NBPF20: variants seen among roughly 807,000 people sequenced by gnomAD.
The protein encoded by NBPF20 is NBPF family member NBPF20.
A neutral mutation model predicts 68.1 loss-of-function variants in NBPF20; 90 were observed. The ratio of observed to expected loss-of-function variants is 1.32; its 90% confidence interval spans 1.11 to 1.58. NBPF20 has a LOEUF of 1.58. NBPF20 is among the 40% of genes most tolerant of loss of function. NBPF20 has a pLI of 0.00. For synonymous variants in NBPF20, 290 were observed against 228.1 expected (o/e 1.27, Z -2.45); for missense variants, 816 against 601.2 (o/e 1.36, Z -3.74).
In NBPF20 at chr1:145,292,661, T is replaced by A. The variant is rs1451405177; in HGVS notation, c.16589-172A>T. Among the ~76,000 whole-genome samples, 5 of 147,354 alleles carry A rather than the reference T, an allele frequency of 3.4e-5. 1 individual carries two copies. Among genetic ancestry groups the A allele is most frequent in the South Asian group, 2.1e-4 (1 of 4,764 alleles). ...GCTGTTCATGATAGAACTTCCTCGG[T>A]TTTTCTCCCAGAAACTGTGGGTAAA... On this transcript the variant is annotated intron_variant, in intron 136 of 137. Coordinates refer to ENST00000369373, the Ensembl canonical transcript of NBPF20.
exon 138 of NBPF20, chr1:145,291,390 AGAATAG>A: frequency 3.8e-6 from 6 of 1,577,120 alleles, no homozygotes; most frequent in Non-Finnish European, 5.2e-6. Context: ...GCATGGTTTG[AGAATAG>A]GAATACAGCC....
At chr1:145,393,797 A>T (rs1662066482) in intron 9 of NBPF20, 87 bp downstream of exon 14, 2 of 1,326,108 alleles carry the variant, frequency 1.5e-6, no homozygotes, top group East Asian at 2.3e-5. Flanking sequence ...AGACAAAATC[A>T]TTATTTTCAG....
chr1:145,395,062 C>T, exon 8 of NBPF20: 1 of 1,611,268 alleles, frequency 6.2e-7, no homozygotes, highest in Non-Finnish European at 8.5e-7. Flanking sequence ...GCCAACATTT[C>T]AGGAGGAATT....
intron 132 of NBPF20, chr1:145,296,087 G>T: frequency 6.3e-6 from 1 of 158,916 alleles, no homozygotes; most frequent in Non-Finnish European, 1.0e-5. Flanking sequence ...ATCTGCCCAG[G>T]TCCAACATCA....
exon 138 of NBPF20, chr1:145,291,383 T>G (rs1314358407): frequency 6.4e-7 from 1 of 1,565,020 alleles, no homozygotes; most frequent in Non-Finnish European, 8.6e-7. Flanking sequence ...GCCACTGGCA[T>G]GGTTTGAGAA....
At chr1:145,390,361 C>T (rs2100516344) in intron 13 of NBPF20, among the ~76,000 whole-genome samples, 16 of 64,422 alleles carry the variant, frequency 2.5e-4, no homozygotes, top group South Asian at 6.3e-4. Flanking sequence ...CACACAGACA[C>T]ACACACACAC....
In NBPF20 at chr1:145,292,200, A is replaced by C. The variant is rs1661162007; in HGVS notation, c.16697+181T>G. ...TGGTCAACCTATGGCACGTTAGTAA[A>C]AGATAAGGGGAGGAAGAAATGGAAA... On this transcript the variant is annotated intron_variant, in intron 137 of 137. Coordinates refer to ENST00000369373, the Ensembl canonical transcript of NBPF20. Among the ~76,000 whole-genome samples, 3 of 149,860 alleles carry C rather than the reference A, an allele frequency of 2.0e-5. No homozygotes were observed. The South Asian group carries it at 6.2e-4, about 31-fold the overall frequency.
At chr1:145,342,885 C>A in intron 73 of NBPF20, among the ~76,000 whole-genome samples, 1 of 39,436 alleles carries the variant, frequency 2.5e-5, no homozygotes, top group Non-Finnish European at 4.3e-5. Context: ...TGAGTTAGTG[C>A]CCTCAGGACA....
At chr1:145,291,701 G>C (rs587732837) in exon 138 of NBPF20, 4 of 1,611,940 alleles carry the variant, frequency 2.5e-6, no homozygotes, top group South Asian at 2.2e-5. Context: ...TGACGGAGTA[G>C]AATAACATCC....
the NBPF20 span, among the ~76,000 whole-genome samples, chr1:145,415,039 C>T: frequency 6.3e-4 from 96 of 152,210 alleles, 1 homozygote; most frequent in Non-Finnish European, 1.1e-3. Flanking sequence ...CCTCTGAGTT[C>T]CCTTAGTATT....
intron 129 of NBPF20, among the ~76,000 whole-genome samples, chr1:145,298,380 A>C (rs1661343274): frequency 6.9e-6 from 1 of 144,132 alleles, no homozygotes; most frequent in South Asian, 2.2e-4. Flanking sequence ...AGACACACAC[A>C]CACACACAGA....
rs1661773131 is a variant in NBPF20 at position 145,372,523 on chromosome 1, A to G, written c.4358T>C (p.Leu1453Pro). 2 of 498,726 alleles carry G rather than the reference A, an allele frequency of 4.0e-6. 1 individual carries two copies. Among genetic ancestry groups the G allele is most frequent in the Non-Finnish European group, 6.7e-6 (2 of 298,650 alleles). 30.9% of individuals were successfully genotyped at this position (498,726 alleles called of 1,614,324 possible). ...AGTAAGATACTCACTGTCCACGTCA[A>G]GAGCCAAGCCAAGGTACTGTTCCTC... Residue 1453 changes from leucine (L) to proline (P), a missense_variant, in exon 36 of 138, where the codon CTT becomes CCT. Physicochemically the swap from Leu to Pro is moderately conservative, Grantham distance 98 (BLOSUM62 -3). Coordinates refer to ENST00000369373, the Ensembl canonical transcript of NBPF20.
chr1:145,413,144 G>GA, the NBPF20 span, among the ~76,000 whole-genome samples: 1 of 151,440 alleles, frequency 6.6e-6, no homozygotes, highest in East Asian at 1.9e-4. Context: ...TCTCCAGTTA[G>GA]AAAAAATTAC....
intron 3 of NBPF20, among the ~76,000 whole-genome samples, chr1:145,402,632 G>T (rs1303319654): frequency 6.6e-6 from 1 of 151,286 alleles, no homozygotes; most frequent in South Asian, 2.1e-4. Context: ...AACAAAAGTA[G>T]GTGTCTTCCT....
At chr1:145,393,666 G>T (rs1370939515) in intron 9 of NBPF20, 10 of 1,324,356 alleles carry the variant, frequency 7.6e-6, no homozygotes, top group East Asian at 4.9e-5. Context: ...CAGCTTTTGA[G>T]TTATGGTCAA....
At chr1:145,424,015 A>G in the NBPF20 span, among the ~76,000 whole-genome samples, 2 of 134,654 alleles carry the variant, frequency 1.5e-5, no homozygotes, top group East Asian at 4.2e-4. Context: ...TCACTCTGCC[A>G]CCCAGGCGGG....
At chr1:145,400,936 T>C in intron 5 of NBPF20, 123 bp downstream of exon 10, 3 of 1,215,254 alleles carry the variant, frequency 2.5e-6, no homozygotes, top group East Asian at 2.3e-5. Context: ...TGGGTTATAT[T>C]TCACATACTG....
At chr1:145,410,752 A>ACG in the NBPF20 span, among the ~76,000 whole-genome samples, 1 of 138,244 alleles carries the variant, frequency 7.2e-6, no homozygotes, top group African/African-American at 2.8e-5. Flanking sequence ...ATATATATAC[A>ACG]TATATATATA....
intron 2 of NBPF20, 56 bp downstream of exon 7, chr1:145,405,042 C>T: frequency 4.3e-6 from 7 of 1,611,690 alleles, no homozygotes; most frequent in Non-Finnish European, 5.9e-6. Context: ...CATTTAGTGT[C>T]TCAGAAGACA....
Sources: allele counts gnomAD v4.1 joint callset (sites outside exome capture counted in the v4.1 genomes callset), GRCh38; gene constraint gnomAD v4.1.1; transcripts MANE v1.5; gene names NCBI Gene and HGNC (gene_info 2026-07-23, HGNC 2026-07-21).